The following DEPDC5 variants were observed in gnomAD, a reference collection of about 807,000 sequenced individuals.
DEPDC5 encodes the protein GATOR1 complex protein DEPDC5.
In DEPDC5, 73 loss-of-function variants were observed where a neutral mutation model predicts 217.3. The ratio of observed to expected loss-of-function variants is 0.34; its 90% CI spans 0.28 to 0.41. The LOEUF (loss-of-function observed/expected upper bound fraction) is 0.41, where lower values mean the gene tolerates loss of function less well. Among genes scored for constraint, DEPDC5 ranks in the 10% least tolerant of loss-of-function variants. The pLI, the probability that DEPDC5 is intolerant of heterozygous loss-of-function variation, is 1.00. For missense variants in DEPDC5, 1,675 were observed against 2,070.1 expected (o/e 0.81, Z 3.70); for synonymous variants, 733 against 756.7 (o/e 0.97, Z 0.51).
At chr22:31,864,177 C>A (rs950082619) in intron 33 of DEPDC5, among the ~76,000 whole-genome samples, 1 of 150,346 alleles carries the variant, frequency 6.7e-6, no homozygotes, top group African/African-American at 2.4e-5. Flanking sequence ...GGCGCAGTCT[C>A]TGCTCACTGC....
chr22:31,759,132 A>T (rs965986233), intron 3 of DEPDC5, among the ~76,000 whole-genome samples: 4 of 151,944 alleles, frequency 2.6e-5, no homozygotes, highest in Non-Finnish European at 4.4e-5. Context: ...GGGTTTCACC[A>T]TGTTGCCCAG....
intron 25 of DEPDC5, among the ~76,000 whole-genome samples, chr22:31,834,808 C>T (rs1344869644): frequency 6.6e-6 from 1 of 152,078 alleles, no homozygotes; most frequent in Non-Finnish European, 1.5e-5. Flanking sequence ...TGATTACAGC[C>T]GTGAGCCACC....
rs1487686707 is a variant in DEPDC5, at chr22:31,907,365, C to T, written c.*868C>T. On this transcript the variant is annotated 3_prime_UTR_variant, in exon 43 of 43. Transcript: ENST00000651528. ...AAAGGAAACATTTTGTAGACTCTAA[C>T]TTAGGTTTTTTTTGTTGTTGTTTTT... The T allele has an allele frequency of 6.6e-6, 1 of 151,592 alleles. No homozygotes were observed. Among genetic ancestry groups the T allele is most frequent in the African/African-American group, 2.4e-5 (1 of 41,042 alleles). The allele number at this position is 151,592 out of a possible 1,614,324, so 9.4% of individuals were successfully genotyped here.
At chr22:31,857,807 T>C (rs1252636886) in intron 32 of DEPDC5, 3 of 325,320 alleles carry the variant, frequency 9.2e-6, no homozygotes, top group Non-Finnish European at 1.7e-5. Flanking sequence ...CCCAGCACTT[T>C]GGGAGGCCGA....
At chr22:31,867,140 A>G (rs572170185) in intron 33 of DEPDC5, among the ~76,000 whole-genome samples, 2 of 152,296 alleles carry the variant, frequency 1.3e-5, no homozygotes, top group East Asian at 3.9e-4. Flanking sequence ...CCAGGAATCT[A>G]CGTGCGACAT....
intron 14 of DEPDC5, among the ~76,000 whole-genome samples, chr22:31,801,323 A>C (rs1394594092): frequency 6.6e-6 from 1 of 152,070 alleles, no homozygotes; most frequent in Non-Finnish European, 1.5e-5. Context: ...TAATAAATAA[A>C]ATTGTAAAAG....
intron 18 of DEPDC5, 51 bp downstream of exon 18, chr22:31,806,242 A>G (rs746636688): frequency 6.6e-7 from 1 of 1,507,152 alleles, no homozygotes; most frequent in Non-Finnish European, 9.2e-7. Context: ...GTCCAGTCTT[A>G]TCTTGAGCTC....
At position 31,906,601 on chromosome 22, in the gene DEPDC5, C is replaced by A; in HGVS notation, c.*104C>A. 2 of 1,411,198 alleles carry A rather than the reference C, an allele frequency of 1.4e-6. No homozygotes were observed. 87.4% of individuals were successfully genotyped at this position (1,411,198 alleles called of 1,614,324 possible). ...CTAGGAGTCAGGTGTCCGTTTGCTG[C>A]TATCAGTGAGTGGGGGCCATTGTTT... is the stretch of plus-strand genomic sequence containing the variant. On this transcript the variant is annotated 3_prime_UTR_variant, in exon 43 of 43. Coordinates refer to ENST00000651528, the MANE Select transcript of DEPDC5 (RefSeq NM_001242896.3). The surrounding 1 kb of genome is among the most constrained non-coding windows in gnomAD (Gnocchi z 5.1).
rs1461624669 is a variant in DEPDC5 at position 31,830,632 on chromosome 22, T to C, written c.2105-3283T>C. Among the ~76,000 whole-genome samples the C allele has an allele frequency of 1.0e-4, 7 of 69,964 alleles. No homozygotes were observed. The East Asian group carries it at 2.5e-3, about 25-fold the overall frequency. 45.9% of individuals were successfully genotyped at this position (69,964 alleles called of 152,430 possible). A position where few individuals can be genotyped will look rare whatever the true frequency, so the allele number is the denominator to read the frequency against. On this transcript the variant is annotated intron_variant, in intron 24 of 42. Transcript: ENST00000651528. ...TGCTTTTTCGGGGTATGCGTGTACG[T>C]GTGTGTGTGTGTGTGTGTGTGTGTG...
rs372355679 is a variant in DEPDC5 at position 31,779,248 on chromosome 22, A to G, written c.483+1080A>G. ...ATGAACTTCATTTTTGTAATTTCCT[A>G]TTGTTTACATTGGATGTATTTACAT... On this transcript the variant is annotated intron_variant, in intron 8 of 42. Coordinates refer to ENST00000651528, the MANE Select transcript of DEPDC5 (RefSeq NM_001242896.3). Among the ~76,000 whole-genome samples, 10 of 152,172 alleles carry G rather than the reference A, an allele frequency of 6.6e-5. No individual in the cohort carries two copies. In the East Asian group the frequency reaches 7.7e-4, roughly 12 times the overall value.
chr22:31,768,197 A>G (rs2082997213), intron 6 of DEPDC5, among the ~76,000 whole-genome samples: 1 of 151,812 alleles, frequency 6.6e-6, no homozygotes, highest in African/African-American at 2.4e-5. Flanking sequence ...CCCATTACCC[A>G]AACAGTACAC....
intron 3 of DEPDC5, among the ~76,000 whole-genome samples, chr22:31,759,416 C>T (rs1421065490): frequency 1.3e-5 from 2 of 150,808 alleles, no homozygotes; most frequent in Admixed American, 1.3e-4. Context: ...CTCTGTCACC[C>T]AGGCTGAAGT....
At chr22:31,773,323 G>T (rs2083516451) in intron 7 of DEPDC5, among the ~76,000 whole-genome samples, 1 of 152,132 alleles carries the variant, frequency 6.6e-6, no homozygotes, top group South Asian at 2.1e-4. Context: ...GAGTAGCTAG[G>T]ACTACAAGTG....
chr22:31,902,196 A>G (rs2093659521), intron 41 of DEPDC5, among the ~76,000 whole-genome samples: 1 of 152,004 alleles, frequency 6.6e-6, no homozygotes, highest in South Asian at 2.1e-4. Flanking sequence ...GTCAGTAGAT[A>G]TTTCTTGGCA....
chr22:31,844,879 C>A, intron 29 of DEPDC5, 139 bp from the exon 30 acceptor site: 1 of 874,604 alleles, frequency 1.1e-6, no homozygotes, highest in Non-Finnish European at 1.8e-6. Context: ...TTCAACAAAG[C>A]CATGAGCTGT....
chr22:31,790,553 G>A (rs1032700986), intron 10 of DEPDC5, among the ~76,000 whole-genome samples: 9 of 152,260 alleles, frequency 5.9e-5, no homozygotes, highest in Admixed American at 5.2e-4. Context: ...GGGTGTGGGA[G>A]TGCCTTTGAT....
intron 39 of DEPDC5, among the ~76,000 whole-genome samples, chr22:31,895,661 G>A (rs1164630074): frequency 6.6e-6 from 1 of 151,756 alleles, no homozygotes; most frequent in Non-Finnish European, 1.5e-5. Context: ...TAGGAGATAA[G>A]CAAAGAGAAA....
At chr22:31,777,587 G>A (rs1214769275) in intron 7 of DEPDC5, among the ~76,000 whole-genome samples, 3 of 151,318 alleles carry the variant, frequency 2.0e-5, no homozygotes, top group African/African-American at 7.3e-5. Context: ...ACCTATATGT[G>A]GACTCCCAGA....
chr22:31,804,236 C>G lies in DEPDC5; in HGVS notation c.1143+13C>G. 1 of 1,613,786 alleles carries G rather than the reference C, an allele frequency of 6.2e-7. No individual in the cohort carries two copies. Among genetic ancestry groups the G allele is most frequent in the Non-Finnish European group, 8.5e-7 (1 of 1,179,884 alleles). The stretch of plus-strand genomic sequence containing the variant: ...CCCATTGTTCAAGGTAATTAGATTT[C>G]GGATTTGTTTACTAAAGGCCAGTTG... On this transcript the variant is annotated intron_variant, in intron 16 of 42. Transcript: ENST00000651528.
Sources: gnomAD v4.1 joint callset for allele counts (sites outside exome capture counted in the v4.1 genomes callset) on GRCh38, gnomAD v4.1.1 for gene constraint, Gnocchi (gnomAD v3.1) non-coding constraint, MANE v1.5 for transcripts, NCBI Gene and HGNC (gene_info 2026-07-23, HGNC 2026-07-21) for gene names.